The following PTPRN2 variants were observed in gnomAD, a reference collection of about 807,000 sequenced individuals.
The protein encoded by PTPRN2 is receptor-type tyrosine-protein phosphatase N2.
PTPRN2 carries 74 observed loss-of-function variants against 118.8 expected under a neutral mutation model. That is an observed-to-expected ratio of 0.62 (90% confidence interval 0.52 to 0.76). PTPRN2 has a LOEUF of 0.76. Ranked by LOEUF, PTPRN2 falls within the 30% of genes least tolerant of loss-of-function variation. The pLI is 0.00. For synonymous variants in PTPRN2, 641 were observed against 608.0 expected (o/e 1.05, Z -0.80); for missense variants, 1,481 against 1,394.4 (o/e 1.06, Z -0.99).
chr7:158,413,794 G>A (rs538706617), intron 2 of PTPRN2, among the ~76,000 whole-genome samples: 1 of 152,358 alleles, frequency 6.6e-6, no homozygotes, highest in South Asian at 2.1e-4. Context: ...TGTGTGTCCA[G>A]GCCCAGCGGT....
chr7:157,777,865 A>G (rs1424339142), intron 12 of PTPRN2, among the ~76,000 whole-genome samples: 1 of 152,252 alleles, frequency 6.6e-6, no homozygotes, highest in Admixed American at 6.5e-5. Context: ...ATGTCTGCTG[A>G]AAAGCTAGTT....
chr7:158,050,658 TGTG>T (rs1809256635), intron 11 of PTPRN2, among the ~76,000 whole-genome samples: 2 of 152,192 alleles, frequency 1.3e-5, no homozygotes. Flanking sequence ...CGCTGAGCTC[TGTG>T]CTAGGGTGGG....
chr7:157,668,349 A>G (rs2150773272), intron 13 of PTPRN2, among the ~76,000 whole-genome samples: 1 of 152,362 alleles, frequency 6.6e-6, no homozygotes, highest in East Asian at 1.9e-4. Context: ...CTGCCAAAAG[A>G]AGACCAGGAC....
intron 6 of PTPRN2, among the ~76,000 whole-genome samples, chr7:158,152,067 A>C (rs376634131): frequency 6.7e-6 from 1 of 149,720 alleles, no homozygotes. Flanking sequence ...CCAGCTACTC[A>C]GGAGGCTGAG....
intron 9 of PTPRN2, among the ~76,000 whole-genome samples, chr7:158,119,709 ATACTC>A (rs2150389924): frequency 6.6e-6 from 1 of 152,272 alleles, no homozygotes; most frequent in South Asian, 2.1e-4. Context: ...TGTTAATCTC[ATACTC>A]TAATTTATAA....
intron 2 of PTPRN2, among the ~76,000 whole-genome samples, chr7:158,406,048 ACACG>A: frequency 7.2e-6 from 1 of 139,762 alleles, no homozygotes; most frequent in Non-Finnish European, 1.5e-5. Flanking sequence ...CATCCGTGAG[ACACG>A]TGGCCGCACA....
In PTPRN2 at chr7:158,565,722, C is replaced by G. The variant is rs1827633064; in HGVS notation, c.112+21836G>C. Among the ~76,000 whole-genome samples the G allele has an allele frequency of 6.6e-6, 1 of 152,206 alleles. No homozygotes were observed. Among genetic ancestry groups the G allele is most frequent in the South Asian group, 2.1e-4 (1 of 4,830 alleles). ...TACACACAAGACATAGAAACCATCT[C>G]ATGCAAGCCCCCCAGGAACCCTGGA... On this transcript the variant is annotated intron_variant, in intron 1 of 22. Transcript: ENST00000389418. This position sits in a 1 kb window ranked among gnomAD's most constrained non-coding sequence, Gnocchi z 4.6.
In PTPRN2 at chr7:157,557,611, C is replaced by T. The variant is rs993688711; in HGVS notation, c.2903-8592G>A. 2.0e-5 allele frequency among the ~76,000 whole-genome samples: 3 copies of T among 151,894 alleles called. No homozygotes were observed. The East Asian group carries it at 5.8e-4, about 29-fold the overall frequency. ...TCAGTGCTGAGTTTTTACTTCACAC[C>T]TTTCCTGGATGATCTTAACTAAAGA... On this transcript the variant is annotated intron_variant, in intron 21 of 22. Transcript: ENST00000389418.
chr7:158,238,668 T>C (rs758602283), intron 3 of PTPRN2, among the ~76,000 whole-genome samples: 4 of 152,046 alleles, frequency 2.6e-5, no homozygotes, highest in Non-Finnish European at 5.9e-5. Context: ...GAAGCACGGG[T>C]CGCAGCTCCA....
At chr7:158,484,760 G>A (rs770028363) in intron 2 of PTPRN2, among the ~76,000 whole-genome samples, 1 of 152,210 alleles carries the variant, frequency 6.6e-6, no homozygotes, top group African/African-American at 2.4e-5. Context: ...CCGCGTCAGT[G>A]TGCCGGTGCT....
chr7:157,924,183 G>A (rs558658956), intron 11 of PTPRN2, among the ~76,000 whole-genome samples: 12 of 152,272 alleles, frequency 7.9e-5, no homozygotes, highest in South Asian at 2.1e-4. Flanking sequence ...GAGGGGGCGC[G>A]GCCACAGGCA....
intron 12 of PTPRN2, among the ~76,000 whole-genome samples, chr7:157,812,992 C>T (rs989254364): frequency 1.3e-5 from 2 of 152,202 alleles, no homozygotes; most frequent in Admixed American, 6.5e-5. Flanking sequence ...TAATTTCACC[C>T]GGACCACAGC....
intron 2 of PTPRN2, among the ~76,000 whole-genome samples, chr7:158,359,117 G>A (rs1455017905): frequency 6.6e-6 from 1 of 152,110 alleles, no homozygotes; most frequent in Non-Finnish European, 1.5e-5. Flanking sequence ...CATCTGGGAG[G>A]CCCCATCAGC....
intron 11 of PTPRN2, among the ~76,000 whole-genome samples, chr7:157,975,261 A>G (rs144294041): frequency 6.6e-6 from 1 of 152,054 alleles, no homozygotes; most frequent in Non-Finnish European, 1.5e-5. Context: ...ACTGGATCCG[A>G]GCATCTGCAC....
Position 158,003,153 on chromosome 7 carries a change from G to C in PTPRN2, c.1723+78145C>G, listed in dbSNP as rs1166850722. ...GGTAAGGCCGGGCGCGGTGGCTCAC[G>C]CCTGTAATCCCAGCACTTTGGGAGG... On this transcript the variant is annotated intron_variant, in intron 11 of 22. Coordinates refer to ENST00000389418, the MANE Select transcript of PTPRN2 (RefSeq NM_002847.5). This position sits in a 1 kb window ranked among gnomAD's most constrained non-coding sequence, Gnocchi z 5.0. Among the ~76,000 whole-genome samples the C allele has an allele frequency of 6.6e-6, 1 of 152,158 alleles. No individual in the cohort carries two copies. The highest frequency in any genetic ancestry group is 1.5e-5 in the Non-Finnish European group (1 of 68,018).
At chr7:157,700,604 TC>T (rs1798015932) in intron 12 of PTPRN2, among the ~76,000 whole-genome samples, 4 of 152,088 alleles carry the variant, frequency 2.6e-5, no homozygotes, top group Admixed American at 2.0e-4. Context: ...TGGGGTCTGG[TC>T]CCCTCCATCC....
rs1375449867 is a variant in PTPRN2 at position 157,831,474 on chromosome 7, G to A, written c.1788+67199C>T. On this transcript the variant is annotated intron_variant, in intron 12 of 22. Coordinates refer to ENST00000389418, the MANE Select transcript of PTPRN2 (RefSeq NM_002847.5). This position sits in a 1 kb window ranked among gnomAD's most constrained non-coding sequence, Gnocchi z 4.8. ...TGCATTTGGAGTTGCCCTGGGGCTG[G>A]GGCTGGGAGACGGAGCTGCCCTCCC... Among the ~76,000 whole-genome samples the A allele has an allele frequency of 6.6e-6, 1 of 152,188 alleles. No homozygotes were observed. The highest frequency in any genetic ancestry group is 2.4e-5 in the African/African-American group (1 of 41,436).
intron 1 of PTPRN2, among the ~76,000 whole-genome samples, chr7:158,510,286 A>G (rs1245790405): frequency 2.0e-5 from 3 of 152,246 alleles, no homozygotes; most frequent in Non-Finnish European, 2.9e-5. Flanking sequence ...AGAACAACTT[A>G]GAAGCCCAGG....
In PTPRN2 at chr7:157,848,775, T is replaced by C. The variant is rs543470070; in HGVS notation, c.1788+49898A>G. On this transcript the variant is annotated intron_variant, in intron 12 of 22. Coordinates refer to ENST00000389418, the MANE Select transcript of PTPRN2 (RefSeq NM_002847.5). ...TCTGGCAGGTCGTCCACAGGAACGCTTGTCCTGAATGGTGGCCCGCACCCT... is the reference window on the plus strand; with the variant it reads ...TCTGGCAGGTCGTCCACAGGAACGCCTGTCCTGAATGGTGGCCCGCACCCT... Among the ~76,000 whole-genome samples, 386 of 152,352 alleles carry C rather than the reference T, an allele frequency of 2.5e-3. 2 individuals carry two copies. The highest frequency in any genetic ancestry group is 9.1e-3 in the African/African-American group (380 of 41,586).
Sources: gnomAD v4.1 joint callset for allele counts (sites outside exome capture counted in the v4.1 genomes callset) on GRCh38, gnomAD v4.1.1 for gene constraint, Gnocchi (gnomAD v3.1) non-coding constraint, MANE v1.5 for transcripts, NCBI Gene and HGNC (gene_info 2026-07-23, HGNC 2026-07-21) for gene names.